Variants in VTCN1 observed in about 807,000 individuals in gnomAD.
VTCN1 encodes V-set domain containing T cell activation inhibitor 1.
In VTCN1, 26 loss-of-function variants were observed where a neutral mutation model predicts 26.5. The ratio of observed to expected loss-of-function variants is 0.98; its 90% confidence interval spans 0.72 to 1.36. VTCN1 has a LOEUF of 1.36. VTCN1 is among the 40% of genes most tolerant of loss of function. The pLI is 0.00. For missense variants in VTCN1, 298 were observed against 337.7 expected (o/e 0.88, Z 0.92); for synonymous variants, 116 against 130.7 (o/e 0.89, Z 0.77).
rs143470031 is a variant in VTCN1 at position 117,191,144 on chromosome 1, G to A, written c.32+19680C>T. Among the ~76,000 whole-genome samples the A allele has an allele frequency of 1.0e-3, 156 of 152,222 alleles. 1 individual carries two copies. In the East Asian group the frequency reaches 0.022, roughly 21 times the overall value. On this transcript the variant is annotated intron_variant, in intron 1 of 5. Coordinates refer to ENST00000369458, the MANE Select transcript of VTCN1 (RefSeq NM_024626.4). ...TCACAGAACAGAAACATTTGATAGA[G>A]GGCTTCAACAGCAGACTTGATCATA...
At chr1:117,203,075 C>T (rs1338273000) in intron 1 of VTCN1, among the ~76,000 whole-genome samples, 2 of 151,936 alleles carry the variant, frequency 1.3e-5, no homozygotes, top group Admixed American at 6.6e-5. Context: ...GAGGGGCTGA[C>T]CTTTGATAGG....
Position 117,143,770 on chromosome 1 carries a change from C to T in VTCN1, c.*1501G>A, listed in dbSNP as rs1343427716. The T allele has an allele frequency of 6.6e-6, 1 of 152,244 alleles. No homozygotes were observed. Among genetic ancestry groups the T allele is most frequent in the Non-Finnish European group, 1.5e-5 (1 of 68,076 alleles). The allele number at this position is 152,244 out of a possible 1,614,324, so 9.4% of individuals were successfully genotyped here. On this transcript the variant is annotated 3_prime_UTR_variant, in exon 6 of 6. Transcript: ENST00000369458. ...TCTTTTCCTTCAAAGCTTCATTCCT[C>T]AAGGCCTCAATTCAAGCAGTCATTG...
At position 117,147,202 on chromosome 1, in the gene VTCN1, T is replaced by C. The variant is rs1447243072; in HGVS notation, c.*45+411A>G. Reference sequence around the variant, plus strand: ...AGCAGGAGGGCTAGTTGGTGAGTCATCTGCCAACTGTCCACAGGGGCCGGC... The same window carrying C: ...AGCAGGAGGGCTAGTTGGTGAGTCACCTGCCAACTGTCCACAGGGGCCGGC... On this transcript the variant is annotated intron_variant, in intron 5 of 5. Coordinates refer to ENST00000369458, the MANE Select transcript of VTCN1 (RefSeq NM_024626.4). The surrounding 1 kb of genome is among the most constrained non-coding windows in gnomAD (Gnocchi z 4.6). Among the ~76,000 whole-genome samples the C allele has an allele frequency of 1.3e-5, 2 of 152,166 alleles. No individual in the cohort carries two copies. Among genetic ancestry groups the C allele is most frequent in the Non-Finnish European group, 2.9e-5 (2 of 68,036 alleles).
rs780618525 is a variant in VTCN1, at chr1:117,159,486, C to T, written c.98-2565G>A. Reference sequence around the variant, plus strand: ...CAAATGATCTCCCACCAGGTCCCTCCCACAACACATGGGAATTATGGGAGT... The same window carrying T: ...CAAATGATCTCCCACCAGGTCCCTCTCACAACACATGGGAATTATGGGAGT... On this transcript the variant is annotated intron_variant, in intron 2 of 5. Coordinates refer to ENST00000369458, the MANE Select transcript of VTCN1 (RefSeq NM_024626.4). This position sits in a 1 kb window ranked among gnomAD's most constrained non-coding sequence, Gnocchi z 4.7. Among the ~76,000 whole-genome samples the T allele has an allele frequency of 6.6e-6, 1 of 152,216 alleles. No individual in the cohort carries two copies. Among genetic ancestry groups the T allele is most frequent in the Admixed American group, 6.5e-5 (1 of 15,282 alleles).
In VTCN1 at chr1:117,172,242, C is replaced by T. The variant is rs557661937; in HGVS notation, c.33-2071G>A. Among the ~76,000 whole-genome samples the T allele has an allele frequency of 2.0e-5, 3 of 152,346 alleles. No individual in the cohort carries two copies. In the South Asian group the frequency reaches 6.2e-4, roughly 32 times the overall value. ...TGAATAGGCTCATTGTTCCCAGCCTCCTATGGCTCAGGAATGGGCCCACCA... is the reference window on the plus strand; with the variant it reads ...TGAATAGGCTCATTGTTCCCAGCCTTCTATGGCTCAGGAATGGGCCCACCA... On this transcript the variant is annotated intron_variant, in intron 1 of 5. Coordinates refer to ENST00000369458, the MANE Select transcript of VTCN1 (RefSeq NM_024626.4).
rs550694657 is a variant in VTCN1 at position 117,164,235 on chromosome 1, G to C, written c.97+5872C>G. 2.0e-4 allele frequency among the ~76,000 whole-genome samples: 30 copies of C among 152,240 alleles called. 1 individual carries two copies. In the South Asian group the frequency reaches 5.0e-3, roughly 25 times the overall value. ...ATATGGGAGATGGCACAGATCTCTAGGGCTGTCTTGCTGCCACCCAGGAGT... is the reference window on the plus strand; with the variant it reads ...ATATGGGAGATGGCACAGATCTCTACGGCTGTCTTGCTGCCACCCAGGAGT... On this transcript the variant is annotated intron_variant, in intron 2 of 5. Transcript: ENST00000369458.
chr1:117,151,355 G>T (rs111373022), intron 4 of VTCN1, among the ~76,000 whole-genome samples: 4 of 152,120 alleles, frequency 2.6e-5, no homozygotes, highest in East Asian at 3.9e-4. Flanking sequence ...GCAGACCTTC[G>T]CAGTGAGAGT....
intron 2 of VTCN1, among the ~76,000 whole-genome samples, chr1:117,168,721 G>GA (rs1268194621): frequency 6.6e-6 from 1 of 151,944 alleles, no homozygotes; most frequent in South Asian, 2.1e-4. Flanking sequence ...TACCCCAATA[G>GA]AAAAAAATGA....
Position 117,147,471 on chromosome 1 carries a change from C to T in VTCN1, c.*45+142G>A. 1.6e-6 allele frequency: 1 copy of T among 633,112 alleles called. No homozygotes were observed. The highest frequency in any genetic ancestry group is 2.8e-5 in the South Asian group (1 of 35,692). The allele number at this position is 633,112 out of a possible 1,614,324, so 39.2% of individuals were successfully genotyped here. ...CTGACCTAACAAATGATTACCTTTC[C>T]CAGTACTAGTGGAAATAATGTCACA... On this transcript the variant is annotated intron_variant, in intron 5 of 5. Transcript: ENST00000369458. This position sits in a 1 kb window ranked among gnomAD's most constrained non-coding sequence, Gnocchi z 4.6.
rs767948567 is a variant in VTCN1, at chr1:117,147,688, C to G, written c.819G>C (p.Leu273=). The change falls in exon 5 of 6, where the codon CTG becomes CTC. Residue 273 remains leucine (L), a synonymous_variant. Transcript: ENST00000369458. This position sits in a 1 kb window ranked among gnomAD's most constrained non-coding sequence, Gnocchi z 4.6. ...SSFFAISWAL[L]PLSPYLMLK ...TTAGCATCAGGTAAGGGCTGAGAGGCAGAAGTGCCCAGCTGATGGCAAAGA... is the reference window on the plus strand; with the variant it reads ...TTAGCATCAGGTAAGGGCTGAGAGGGAGAAGTGCCCAGCTGATGGCAAAGA... The G allele has an allele frequency of 3.2e-5, 51 of 1,613,764 alleles. No individual in the cohort carries two copies.
rs1261872778 is a variant in VTCN1 at position 117,146,957 on chromosome 1, G to A, written c.*45+656C>T. Among the ~76,000 whole-genome samples, 1 of 152,164 alleles carries A rather than the reference G, an allele frequency of 6.6e-6. No homozygotes were observed. Among genetic ancestry groups the A allele is most frequent in the Admixed American group, 6.5e-5 (1 of 15,278 alleles). ...AACACAGGGGAAAATGTGATAGGTA[G>A]GGGTTGATAAGAAATTGACATGCGG... On this transcript the variant is annotated intron_variant, in intron 5 of 5. Coordinates refer to ENST00000369458, the MANE Select transcript of VTCN1 (RefSeq NM_024626.4). The surrounding 1 kb of genome is among the most constrained non-coding windows in gnomAD (Gnocchi z 4.2).
At position 117,147,849 on chromosome 1, in the gene VTCN1, T is replaced by G; in HGVS notation, c.725-67A>C. 4 of 1,553,752 alleles carry G rather than the reference T, an allele frequency of 2.6e-6. No individual in the cohort carries two copies. Among genetic ancestry groups the G allele is most frequent in the Non-Finnish European group, 3.5e-6 (4 of 1,154,984 alleles). ...CTGGATGTCTTCTTCACATGACTGG[T>G]TAGCAAAGAAAAGTACCTGAAAAAC... On this transcript the variant is annotated intron_variant, in intron 4 of 5. Coordinates refer to ENST00000369458, the MANE Select transcript of VTCN1 (RefSeq NM_024626.4). The surrounding 1 kb of genome is among the most constrained non-coding windows in gnomAD (Gnocchi z 4.6).
In VTCN1 at chr1:117,175,064, G is replaced by A. The variant is rs1188429061; in HGVS notation, c.33-4893C>T. 6.6e-6 allele frequency among the ~76,000 whole-genome samples: 1 copy of A among 152,064 alleles called. No individual in the cohort carries two copies. On this transcript the variant is annotated intron_variant, in intron 1 of 5. Coordinates refer to ENST00000369458, the MANE Select transcript of VTCN1 (RefSeq NM_024626.4). This position sits in a 1 kb window ranked among gnomAD's most constrained non-coding sequence, Gnocchi z 4.2. ...TCCATTCCTGAGGAGGGCCTGGTTC[G>A]ATTCCCTCACATGCCTGCTTCAGCT...
chr1:117,164,232 C>T (rs1652500151), intron 2 of VTCN1, among the ~76,000 whole-genome samples: 1 of 152,132 alleles, frequency 6.6e-6, no homozygotes, highest in Admixed American at 6.6e-5. Flanking sequence ...GCACAGATCT[C>T]TAGGGCTGTC....
At position 117,156,939 on chromosome 1, in the gene VTCN1, A is replaced by C; in HGVS notation, c.98-18T>G. On this transcript the variant is annotated intron_variant, in intron 2 of 5. Coordinates refer to ENST00000369458, the MANE Select transcript of VTCN1 (RefSeq NM_024626.4). Reference sequence around the variant, plus strand: ...GTGTCTCCCTGCAGTTCAGGAAGCAAAGATCAATGCTAAGGGAAGCCTTGG... The same window carrying C: ...GTGTCTCCCTGCAGTTCAGGAAGCACAGATCAATGCTAAGGGAAGCCTTGG... The C allele has an allele frequency of 6.2e-7, 1 of 1,613,978 alleles. No homozygotes were observed. The highest frequency in any genetic ancestry group is 8.5e-7 in the Non-Finnish European group (1 of 1,179,972).
chr1:117,171,152 C>T lies in VTCN1; in HGVS notation c.33-981G>A, dbSNP rs191604000. Among the ~76,000 whole-genome samples, 41 of 152,260 alleles carry T rather than the reference C, an allele frequency of 2.7e-4. No homozygotes were observed. The East Asian group carries it at 7.5e-3, about 28-fold the overall frequency. On this transcript the variant is annotated intron_variant, in intron 1 of 5. Coordinates refer to ENST00000369458, the MANE Select transcript of VTCN1 (RefSeq NM_024626.4). The stretch of plus-strand genomic sequence containing the variant: ...GTTTGCTGAGAATGATGGTTTCCAG[C>T]TTCATCCATGTTCCTGCAAAGGACA...
chr1:117,209,864 A>G (rs1173399061), intron 1 of VTCN1, among the ~76,000 whole-genome samples: 2 of 152,238 alleles, frequency 1.3e-5, no homozygotes, highest in African/African-American at 4.8e-5. Context: ...TCTGGGAAGT[A>G]ACATTACTCT....
At chr1:117,151,896 C>T (rs1330087834) in intron 4 of VTCN1, among the ~76,000 whole-genome samples, 1 of 152,140 alleles carries the variant, frequency 6.6e-6, no homozygotes, top group Non-Finnish European at 1.5e-5. Context: ...TTAGAGTAGC[C>T]ACCCTAATGG....
At chr1:117,200,411 C>G (rs1274539418) in intron 1 of VTCN1, among the ~76,000 whole-genome samples, 1 of 152,098 alleles carries the variant, frequency 6.6e-6, no homozygotes, top group African/African-American at 2.4e-5. Flanking sequence ...AGTGCACCCC[C>G]TCCCCATTCT....
Sources: gnomAD v4.1 joint callset for allele counts (sites outside exome capture counted in the v4.1 genomes callset) on GRCh38, gnomAD v4.1.1 for gene constraint, Gnocchi (gnomAD v3.1) non-coding constraint, MANE v1.5 for transcripts, NCBI Gene and HGNC (gene_info 2026-07-23, HGNC 2026-07-21) for gene names.